CWC27: variants seen among roughly 807,000 people sequenced by gnomAD.
CWC27 encodes the protein spliceosome-associated protein CWC27 homolog.
A neutral mutation model predicts 63.6 loss-of-function variants in CWC27; 47 were observed. The observed-to-expected ratio is 0.74, with a 90% CI of 0.58 to 0.94. The LOEUF is 0.94. Among genes scored for constraint, CWC27 ranks in the 40% least tolerant of loss-of-function variants. The pLI is 0.00. For synonymous variants in CWC27, 175 were observed against 179.8 expected, an observed-to-expected ratio of 0.97 and a Z score of 0.22; for missense variants, 495 against 554.3, an observed-to-expected ratio of 0.89 and a Z score of 1.07.
At chr5:64,865,561 G>A (rs1490874637) in intron 10 of CWC27, among the ~76,000 whole-genome samples, 1 of 152,002 alleles carries the variant, frequency 6.6e-6, no homozygotes, top group Non-Finnish European at 1.5e-5. Flanking sequence ...ATGTCAAATA[G>A]GGGAATTTAA....
rs531220709 is a variant in CWC27, at chr5:64,975,984, C to T, written c.1153-1151C>T. ...TCAGGAGTCTGGGGCAGGAGAATCG[C>T]TTGAACCTGGGAGGCGGAGGTTGCA... On this transcript the variant is annotated intron_variant, in intron 12 of 13. Coordinates refer to ENST00000381070, the MANE Select transcript of CWC27 (RefSeq NM_005869.4). Among the ~76,000 whole-genome samples, 19 of 152,240 alleles carry T rather than the reference C, an allele frequency of 1.2e-4. No homozygotes were observed. The East Asian group carries it at 3.5e-3, about 28-fold the overall frequency.
chr5:64,814,114 T>C lies in CWC27; in HGVS notation c.938+9728T>C, dbSNP rs1353959821. Among the ~76,000 whole-genome samples, 73 of 151,806 alleles carry C rather than the reference T, an allele frequency of 4.8e-4. 1 individual carries two copies. The highest frequency in any genetic ancestry group is 5.9e-5 in the Non-Finnish European group (4 of 67,938). The stretch of plus-strand genomic sequence containing the variant: ...TTTTTAGGTCATCAACTATTATTAG[T>C]GTTAGGGTATTTTATGTGTGCCCCA... On this transcript the variant is annotated intron_variant, in intron 10 of 13. Transcript: ENST00000381070.
intron 10 of CWC27, among the ~76,000 whole-genome samples, chr5:64,851,377 G>T (rs1746130144): frequency 6.6e-6 from 1 of 152,066 alleles, no homozygotes; most frequent in African/African-American, 2.4e-5. Context: ...TAGAATGGTG[G>T]TAAGAGAAGC....
At chr5:65,000,788 G>T (rs560019446) in intron 13 of CWC27, among the ~76,000 whole-genome samples, 26 of 151,802 alleles carry the variant, frequency 1.7e-4, no homozygotes, top group Non-Finnish European at 7.4e-5. Context: ...CTTTGTGCTC[G>T]GTATTGCTAT....
chr5:64,977,094 T>C, intron 12 of CWC27, 41 bp from the exon 13 acceptor site: 1 of 1,181,390 alleles, frequency 8.5e-7, no homozygotes, highest in Non-Finnish European at 1.2e-6. Context: ...AAATTATATT[T>C]ATCTTTATCA....
intron 6 of CWC27, among the ~76,000 whole-genome samples, chr5:64,788,366 G>T (rs1743956336): frequency 2.0e-5 from 3 of 151,068 alleles, no homozygotes. Flanking sequence ...TTTTCTATTT[G>T]AGAGACAGTT....
intron 10 of CWC27, among the ~76,000 whole-genome samples, chr5:64,872,841 T>C (rs1198351801): frequency 6.6e-6 from 1 of 152,130 alleles, no homozygotes; most frequent in Admixed American, 6.6e-5. Context: ...ACGTCTGTCT[T>C]CACAACAAAA....
intron 11 of CWC27, among the ~76,000 whole-genome samples, chr5:64,929,429 A>G (rs1472868555): frequency 6.6e-6 from 1 of 152,190 alleles, no homozygotes; most frequent in East Asian, 1.9e-4. Context: ...AAGACAACCT[A>G]GAAGCCATCT....
At chr5:64,847,602 A>G in intron 10 of CWC27, among the ~76,000 whole-genome samples, 1 of 152,214 alleles carries the variant, frequency 6.6e-6, no homozygotes, top group Admixed American at 6.5e-5. Flanking sequence ...CCTTGAGGAC[A>G]CACAGAACAT....
intron 1 of CWC27, among the ~76,000 whole-genome samples, chr5:64,769,901 A>G (rs1743183131): frequency 6.6e-6 from 1 of 152,230 alleles, no homozygotes; most frequent in Admixed American, 6.5e-5. Flanking sequence ...ATGTATGCCA[A>G]TTCCCATCCA....
chr5:64,885,737 G>GTGTT (rs778534933), intron 11 of CWC27, among the ~76,000 whole-genome samples, 191 bp downstream of exon 11: 7 of 141,538 alleles, frequency 4.9e-5, no homozygotes, highest in African/African-American at 2.1e-4. Context: ...GTGTGTGTGT[G>GTGTT]TTTTTAATAC....
chr5:64,948,515 G>A (rs1479731143), intron 11 of CWC27, among the ~76,000 whole-genome samples: 1 of 151,558 alleles, frequency 6.6e-6, no homozygotes, highest in African/African-American at 2.4e-5. Flanking sequence ...AAAAGCCATT[G>A]GGTTACAATA....
intron 13 of CWC27, among the ~76,000 whole-genome samples, chr5:65,014,284 TTATA>T (rs61352382): frequency 0.023 from 3,466 of 147,724 alleles, 136 homozygotes; most frequent in African/African-American, 0.081. Context: ...TAGAGATCAG[TTATA>T]TATAGTGTAT....
intron 10 of CWC27, among the ~76,000 whole-genome samples, chr5:64,820,735 AAAT>A (rs1745174486): frequency 6.6e-6 from 1 of 152,162 alleles, no homozygotes; most frequent in African/African-American, 2.4e-5. Context: ...ATGTGCAAAT[AAAT>A]AAATCTTGAT....
intron 11 of CWC27, among the ~76,000 whole-genome samples, chr5:64,912,737 T>C (rs1411158999): frequency 1.3e-5 from 2 of 152,180 alleles, no homozygotes; most frequent in African/African-American, 2.4e-5. Context: ...AAAATGCTAT[T>C]ATAAACAACC....
rs573983019 is a variant in CWC27, at chr5:64,879,514, C to A, written c.939-5929C>A. Among the ~76,000 whole-genome samples, 577 of 151,934 alleles carry A rather than the reference C, an allele frequency of 3.8e-3. 2 individuals carry two copies. The highest frequency in any genetic ancestry group is 0.012 in the African/African-American group (497 of 41,508). On this transcript the variant is annotated intron_variant, in intron 10 of 13. Transcript: ENST00000381070. ...ACCAGTGGAAGCAGAGAAAGAATATCAAAGAGGTAGGATAAGATCCTAAGT... is the reference window on the plus strand; with the variant it reads ...ACCAGTGGAAGCAGAGAAAGAATATAAAAGAGGTAGGATAAGATCCTAAGT...
intron 11 of CWC27, among the ~76,000 whole-genome samples, chr5:64,949,705 A>G (rs1356774780): frequency 6.6e-6 from 1 of 151,970 alleles, no homozygotes; most frequent in Non-Finnish European, 1.5e-5. Context: ...ATTTTTCTAC[A>G]TACAAATTTA....
chr5:64,892,508 T>A (rs1036114598), intron 11 of CWC27, among the ~76,000 whole-genome samples: 2 of 152,236 alleles, frequency 1.3e-5, no homozygotes, highest in African/African-American at 2.4e-5. Context: ...TTTGTGATAT[T>A]TATTTTTTCT....
At chr5:64,884,769 TG>T (rs1156505306) in intron 10 of CWC27, among the ~76,000 whole-genome samples, 1 of 152,210 alleles carries the variant, frequency 6.6e-6, no homozygotes, top group East Asian at 1.9e-4. Context: ...GCCCTAAAAC[TG>T]GCATGGAGAA....
Sources: allele counts gnomAD v4.1 joint callset (sites outside exome capture counted in the v4.1 genomes callset), GRCh38; gene constraint gnomAD v4.1.1; transcripts MANE v1.5; gene names NCBI Gene and HGNC (gene_info 2026-07-23, HGNC 2026-07-21).